Variants in DCAKD observed in about 807,000 individuals in gnomAD.
DCAKD encodes dephospho-CoA kinase domain-containing protein.
DCAKD carries 15 observed loss-of-function variants against 18.7 expected under a neutral mutation model. That is an observed-to-expected ratio of 0.80 (90% CI 0.54 to 1.24). The LOEUF (loss-of-function observed/expected upper bound fraction) is 1.24, where lower values mean the gene tolerates loss of function less well. Among genes scored for constraint, DCAKD ranks in the 50% most tolerant of loss-of-function variants. DCAKD has a pLI of 0.00. For synonymous variants in DCAKD, 130 were observed against 133.0 expected (o/e 0.98, Z 0.16); for missense variants, 301 against 322.0 (o/e 0.93, Z 0.50).
At chr17:45,040,971 G>A (rs2053420625) in intron 1 of DCAKD, among the ~76,000 whole-genome samples, 1 of 151,992 alleles carries the variant, frequency 6.6e-6, no homozygotes. Flanking sequence ...AAAATTAATG[G>A]GCTAAATAAA....
chr17:45,024,630 C>A lies in DCAKD; in HGVS notation c.499G>T (p.Asp167Tyr), dbSNP rs757951524. The part of the protein sequence containing the change: ...ARINAQLPLT[D>Y]KARMARHVLD... The stretch of plus-strand genomic sequence containing the variant: ...ACATGGCGGGCCATGCGGGCCTTGT[C>A]TGTCAGGGGCAGCTGGGCATTGATG... The change falls in exon 5 of 5, where the codon GAC becomes TAC. Residue 167 changes from aspartate to tyrosine, a missense_variant. Coordinates refer to ENST00000651974, the MANE Select transcript of DCAKD (RefSeq NM_001288655.2). The A allele has an allele frequency of 1.9e-6, 3 of 1,613,410 alleles. No individual in the cohort carries two copies. Among genetic ancestry groups the A allele is most frequent in the Non-Finnish European group, 2.5e-6 (3 of 1,179,514 alleles).
intron 1 of DCAKD, among the ~76,000 whole-genome samples, chr17:45,036,426 G>C (rs914820019): frequency 9.9e-5 from 15 of 152,190 alleles, no homozygotes; most frequent in African/African-American, 3.6e-4. Flanking sequence ...TGAGGCAGGA[G>C]AATCGCTTGA....
Position 45,029,482 on chromosome 17 carries a change from C to T in DCAKD, c.404+610G>A, listed in dbSNP as rs528439551. ...CCCTGCGGACTCATCTACTTTCACC[C>T]CACTGGGACAGGGACTCATTTTCCC... On this transcript the variant is annotated intron_variant, in intron 4 of 4. Coordinates refer to ENST00000651974, the MANE Select transcript of DCAKD (RefSeq NM_001288655.2). Among the ~76,000 whole-genome samples, 4 of 152,300 alleles carry T rather than the reference C, an allele frequency of 2.6e-5. No individual in the cohort carries two copies. The South Asian group carries it at 8.3e-4, about 32-fold the overall frequency.
chr17:45,031,812 C>T (rs2053175231), intron 3 of DCAKD: 2 of 985,342 alleles, frequency 2.0e-6, no homozygotes, highest in Admixed American at 1.2e-4. Context: ...CATCCGTCTG[C>T]CTACACAGAG....
chr17:45,045,219 A>T (rs538270533), intron 1 of DCAKD, among the ~76,000 whole-genome samples: 1 of 152,322 alleles, frequency 6.6e-6, no homozygotes, highest in Admixed American at 6.5e-5. Context: ...GACAGAAAGC[A>T]GGGGAACTGG....
At position 45,034,814 on chromosome 17, in the gene DCAKD, C is replaced by T; in HGVS notation, c.72G>A (p.Leu24=). The T allele has an allele frequency of 1.9e-6, 3 of 1,614,224 alleles. No individual in the cohort carries two copies. Among genetic ancestry groups the T allele is most frequent in the Admixed American group, 1.7e-5 (1 of 60,026 alleles). Residue 24 remains leucine (L), a synonymous_variant, in exon 2 of 5, where the codon CTG becomes CTA. Transcript: ENST00000651974. ...CGTCCACGTCAATCACCGCACAGCC[C>T]AGCTGCTGGAACACCTGGATCACTG... ...KSSVIQVFQQ[L]GCAVIDVDVM...
intron 4 of DCAKD, 46 bp from the exon 5 acceptor site, chr17:45,024,770 C>T (rs1015532805): frequency 6.6e-7 from 1 of 1,517,134 alleles, no homozygotes; most frequent in African/African-American, 1.4e-5. Flanking sequence ...CTCCCTCTCA[C>T]CCCAAGTTAC....
At chr17:45,036,088 C>CG (rs1365046872) in intron 1 of DCAKD, among the ~76,000 whole-genome samples, 3 of 152,176 alleles carry the variant, frequency 2.0e-5, no homozygotes, top group African/African-American at 7.2e-5. Flanking sequence ...GACCAAGCAG[C>CG]GGCAGCACGG....
chr17:45,029,986 C>A, intron 4 of DCAKD, 106 bp downstream of exon 4: 1 of 1,006,828 alleles, frequency 9.9e-7, no homozygotes, highest in Non-Finnish European at 1.6e-6. Flanking sequence ...AACCCCCATG[C>A]CTCTTGGCCG....
intron 1 of DCAKD, among the ~76,000 whole-genome samples, chr17:45,059,067 C>T (rs1453659005): frequency 6.6e-6 from 1 of 152,048 alleles, no homozygotes; most frequent in South Asian, 2.1e-4. Context: ...GGTGAAACCC[C>T]GTCTCTACTA....
At chr17:45,059,125 A>G (rs2053820521) in intron 1 of DCAKD, among the ~76,000 whole-genome samples, 1 of 152,094 alleles carries the variant, frequency 6.6e-6, no homozygotes, top group Admixed American at 6.6e-5. Flanking sequence ...CTGTAGTCCC[A>G]GCTACTTGGG....
upstream of DCAKD, among the ~76,000 whole-genome samples, chr17:45,056,587 G>A (rs2053782752): frequency 6.6e-6 from 1 of 151,858 alleles, no homozygotes. Flanking sequence ...AATTCTCCCT[G>A]CCTCAGCCTC....
upstream of DCAKD, chr17:45,054,015 T>TTAAG (rs2053754298): frequency 2.0e-6 from 1 of 502,896 alleles, no homozygotes; most frequent in Admixed American, 2.0e-5. Context: ...TATTGAGGAA[T>TTAAG]TAAGTAATTT....
chr17:45,038,885 T>C (rs1222144958), intron 1 of DCAKD, among the ~76,000 whole-genome samples: 1 of 152,202 alleles, frequency 6.6e-6, no homozygotes. Context: ...CCTCTGTAGC[T>C]CATTCCTTCA....
intron 1 of DCAKD, among the ~76,000 whole-genome samples, chr17:45,040,210 A>G (rs2053400907): frequency 6.6e-6 from 1 of 151,816 alleles, no homozygotes; most frequent in Middle Eastern, 3.4e-3. Flanking sequence ...CAACATGGAG[A>G]AACGCCATTT....
At chr17:45,040,630 G>C (rs961981199) in intron 1 of DCAKD, among the ~76,000 whole-genome samples, 4 of 152,140 alleles carry the variant, frequency 2.6e-5, no homozygotes, top group Non-Finnish European at 5.9e-5. Flanking sequence ...GAGCCAGAAA[G>C]AAAAGCAAGC....
chr17:45,053,256 G>GGTTT (rs58025339), upstream of DCAKD, among the ~76,000 whole-genome samples: 82,707 of 138,418 alleles, frequency 0.6, 25,097 homozygotes, highest in Middle Eastern at 0.68. Flanking sequence ...TTTTTTGTTT[G>GGTTT]GTTTGTTTGT....
rs1431388359 is a variant in DCAKD, at chr17:45,038,103, GTCTC to G, written c.-114-3108_-114-3105del. Among the ~76,000 whole-genome samples the G allele has an allele frequency of 4.6e-5, 7 of 151,786 alleles. No homozygotes were observed. In the East Asian group the frequency reaches 7.8e-4, roughly 17 times the overall value. On this transcript the variant is annotated intron_variant, in intron 1 of 4. Coordinates refer to ENST00000651974, the MANE Select transcript of DCAKD (RefSeq NM_001288655.2). ...TTTCTTTTCTTTTCTTGAGACAAGAGTCTCTCTCTGTCCCCCAGGGTGGCGTGCA... is the reference window on the plus strand; with the variant it reads ...TTTCTTTTCTTTTCTTGAGACAAGAGTCTCTGTCCCCCAGGGTGGCGTGCA...
rs57106886 is a variant in DCAKD at position 45,049,713 on chromosome 17, CTT to C, written c.-115+1646_-115+1647del. ...AGCAGGTAATTTTCTTTTTCTTTTC[CTT>C]TTTTTTTTTTTTTTTTTTTTTGAAA... is the stretch of plus-strand genomic sequence containing the variant. On this transcript the variant is annotated intron_variant, in intron 1 of 4. Transcript: ENST00000651974. Among the ~76,000 whole-genome samples the C allele has an allele frequency of 2.5e-3, 276 of 111,854 alleles. 1 individual carries two copies. The highest frequency in any genetic ancestry group is 8.4e-3 in the African/African-American group (256 of 30,368). The allele number at this position is 111,854 out of a possible 152,430, so 73.4% of individuals were successfully genotyped here.
Sources: allele counts gnomAD v4.1 joint callset (sites outside exome capture counted in the v4.1 genomes callset), GRCh38; gene constraint gnomAD v4.1.1; transcripts MANE v1.5; gene names NCBI Gene and HGNC (gene_info 2026-07-23, HGNC 2026-07-21).